DOCK5: variants seen among roughly 807,000 people sequenced by gnomAD.
DOCK5 encodes the protein dedicator of cytokinesis protein 5.
In DOCK5, 142 loss-of-function variants were observed where a neutral mutation model predicts 251.8. The ratio of observed to expected loss-of-function variants is 0.56; its 90% confidence interval spans 0.49 to 0.65. The LOEUF is 0.65. Among genes scored for constraint, DOCK5 ranks in the 30% least tolerant of loss-of-function variants. The pLI is 0.00. For synonymous variants in DOCK5, 842 were observed against 835.5 expected (o/e 1.01, Z -0.13); for missense variants, 2,111 against 2,312.3 (o/e 0.91, Z 1.79).
chr8:25,360,305 G>A (rs1314060498), intron 28 of DOCK5, among the ~76,000 whole-genome samples: 1 of 152,194 alleles, frequency 6.6e-6, no homozygotes, highest in Non-Finnish European at 1.5e-5. Context: ...AGACTACGTG[G>A]CTTTAGCTGA....
At chr8:25,310,692 C>A (rs904570359) in intron 13 of DOCK5, among the ~76,000 whole-genome samples, 160 bp downstream of exon 13, 1 of 152,154 alleles carries the variant, frequency 6.6e-6, no homozygotes, top group African/African-American at 2.4e-5. Context: ...TACTTAAACA[C>A]TTAGGTGCTT....
intron 2 of DOCK5, among the ~76,000 whole-genome samples, chr8:25,251,124 A>G (rs1447850850): frequency 6.6e-6 from 1 of 152,028 alleles, no homozygotes; most frequent in Non-Finnish European, 1.5e-5. Context: ...CCTGTGTTTA[A>G]TTCATATCCA....
intron 6 of DOCK5, 57 bp downstream of exon 6, chr8:25,292,229 A>G: frequency 6.8e-7 from 1 of 1,475,382 alleles, no homozygotes; most frequent in Non-Finnish European, 9.0e-7. Context: ...GGGCATGTTC[A>G]CGCTAATGAC....
At chr8:25,304,212 A>G (rs1287756592) in intron 10 of DOCK5, 43 bp from the exon 11 acceptor site, 1 of 1,508,428 alleles carries the variant, frequency 6.6e-7, no homozygotes, top group South Asian at 1.2e-5. Flanking sequence ...TTACTGAGGC[A>G]TGAAGCAATT....
intron 2 of DOCK5, among the ~76,000 whole-genome samples, chr8:25,244,232 C>G (rs1341710530): frequency 6.6e-6 from 1 of 152,180 alleles, no homozygotes; most frequent in African/African-American, 2.4e-5. Flanking sequence ...TCCAGAAAGC[C>G]TGATTGTATA....
At chr8:25,346,038 G>A (rs920466110) in intron 26 of DOCK5, among the ~76,000 whole-genome samples, 5 of 152,138 alleles carry the variant, frequency 3.3e-5, no homozygotes, top group African/African-American at 4.8e-5. Context: ...TTTTAGTAGA[G>A]ACGGGGTTTC....
At chr8:25,242,610 C>T (rs1802984050) in intron 1 of DOCK5, among the ~76,000 whole-genome samples, 2 of 152,236 alleles carry the variant, frequency 1.3e-5, no homozygotes, top group Non-Finnish European at 2.9e-5. Context: ...GCTATTCATA[C>T]ATAATTTTTG....
At chr8:25,226,438 A>G (rs1017761179) in intron 1 of DOCK5, among the ~76,000 whole-genome samples, 3 of 150,648 alleles carry the variant, frequency 2.0e-5, no homozygotes, top group Non-Finnish European at 3.0e-5. Flanking sequence ...AATTTTTTCT[A>G]TTTTTATTAG....
chr8:25,196,084 C>T (rs1801717139), intron 1 of DOCK5, among the ~76,000 whole-genome samples: 1 of 152,210 alleles, frequency 6.6e-6, no homozygotes, highest in Non-Finnish European at 1.5e-5. Flanking sequence ...ATTTAATAAA[C>T]TGCATAAGCA....
chr8:25,244,880 G>A (rs1388338454), intron 2 of DOCK5, among the ~76,000 whole-genome samples: 3 of 152,132 alleles, frequency 2.0e-5, no homozygotes, highest in African/African-American at 4.8e-5. Context: ...GCTCCCAGGG[G>A]CAGAGAGAAG....
intron 39 of DOCK5, among the ~76,000 whole-genome samples, chr8:25,382,045 A>T (rs1801076809): frequency 6.6e-6 from 1 of 152,080 alleles, no homozygotes. Context: ...ACAGGGTCTC[A>T]CTCTGTCACC....
At chr8:25,406,143 A>G (rs1175225504) in intron 48 of DOCK5, among the ~76,000 whole-genome samples, 1 of 152,084 alleles carries the variant, frequency 6.6e-6, no homozygotes, top group Non-Finnish European at 1.5e-5. Flanking sequence ...TACTTTTAGT[A>G]GAGATGGGGT....
chr8:25,256,638 CA>C (rs891243325), intron 2 of DOCK5, among the ~76,000 whole-genome samples: 1,206 of 48,932 alleles, frequency 0.025, 3 homozygotes, highest in East Asian at 0.078. Flanking sequence ...ATCTCCATCT[CA>C]AAAAAAAAAA....
intron 1 of DOCK5, among the ~76,000 whole-genome samples, chr8:25,224,829 C>T (rs1397408503): frequency 6.6e-6 from 1 of 152,196 alleles, no homozygotes; most frequent in Non-Finnish European, 1.5e-5. Flanking sequence ...CTGCTCTGGG[C>T]CACCCTGGCA....
intron 2 of DOCK5, among the ~76,000 whole-genome samples, chr8:25,250,404 A>G (rs1359267536): frequency 6.6e-6 from 1 of 152,202 alleles, no homozygotes; most frequent in Non-Finnish European, 1.5e-5. Flanking sequence ...GCCTTTCTTC[A>G]TCTTTGGCAC....
chr8:25,374,886 C>G (rs372716834), intron 37 of DOCK5: 2 of 1,342,786 alleles, frequency 1.5e-6, no homozygotes, highest in African/African-American at 3.0e-5. Context: ...GACTTATGAA[C>G]CTTTGGTAAT....
Position 25,411,926 on chromosome 8 carries a change from G to C in DOCK5, c.*628G>C, listed in dbSNP as rs1444369135. Reference sequence around the variant, plus strand: ...GAGCATGGACTCAAACATCAGCCCTGAGTTCTTGAGTCCACCCAACTCCCA... The same window carrying C: ...GAGCATGGACTCAAACATCAGCCCTCAGTTCTTGAGTCCACCCAACTCCCA... On this transcript the variant is annotated 3_prime_UTR_variant, in exon 52 of 52. Coordinates refer to ENST00000276440, the MANE Select transcript of DOCK5 (RefSeq NM_024940.8). 2.6e-5 allele frequency: 4 copies of C among 152,098 alleles called. No homozygotes were observed. Among genetic ancestry groups the C allele is most frequent in the Non-Finnish European group, 5.9e-5 (4 of 68,034 alleles). The allele number at this position is 152,098 out of a possible 1,614,324, so 9.4% of individuals were successfully genotyped here.
intron 11 of DOCK5, 74 bp from the exon 12 acceptor site, chr8:25,308,709 C>G (rs1805010010): frequency 2.0e-6 from 3 of 1,537,256 alleles, no homozygotes; most frequent in Non-Finnish European, 2.7e-6. Context: ...ATATGACTCA[C>G]CATTATCTGA....
chr8:25,207,138 A>G (rs1046453001), intron 1 of DOCK5, among the ~76,000 whole-genome samples: 2 of 152,222 alleles, frequency 1.3e-5, no homozygotes, highest in South Asian at 2.1e-4. Context: ...ACCTCCTTCT[A>G]TATAGCACAT....
Sources: allele counts gnomAD v4.1 joint callset (sites outside exome capture counted in the v4.1 genomes callset), GRCh38; gene constraint gnomAD v4.1.1; transcripts MANE v1.5; gene names NCBI Gene and HGNC (gene_info 2026-07-23, HGNC 2026-07-21).